The following SGCZ variants were observed in gnomAD, a reference collection of about 807,000 sequenced individuals.
SGCZ encodes the protein sarcoglycan zeta.
SGCZ carries 40 observed loss-of-function variants against 41.3 expected under a neutral mutation model. That is an observed-to-expected ratio of 0.97 (90% CI 0.75 to 1.26). The LOEUF (loss-of-function observed/expected upper bound fraction) is 1.26. Among genes scored for constraint, SGCZ ranks in the 50% most tolerant of loss-of-function variants. The pLI is 0.00. For synonymous variants in SGCZ, 206 were observed against 137.5 expected (o/e 1.50, Z -3.49); for missense variants, 552 against 369.8 (o/e 1.49, Z -4.04).
intron 1 of SGCZ, among the ~76,000 whole-genome samples, chr8:15,112,339 T>G (rs921207918): frequency 6.6e-6 from 1 of 152,256 alleles, no homozygotes; most frequent in Admixed American, 6.5e-5. Flanking sequence ...AACAATAGTA[T>G]TGAGTTTTGG....
chr8:14,569,881 G>C (rs912427018), intron 1 of SGCZ, among the ~76,000 whole-genome samples: 3 of 151,834 alleles, frequency 2.0e-5, no homozygotes, highest in African/African-American at 7.3e-5. Flanking sequence ...AGCCGGACCA[G>C]AGAGGTCAAA....
intron 4 of SGCZ, among the ~76,000 whole-genome samples, chr8:14,213,595 A>G (rs973261419): frequency 6.6e-6 from 1 of 152,104 alleles, no homozygotes; most frequent in South Asian, 2.1e-4. Flanking sequence ...GCACGCTTTA[A>G]ATTTCATAAA....
intron 1 of SGCZ, among the ~76,000 whole-genome samples, chr8:14,916,188 AAAT>A (rs1272321642): frequency 3.9e-5 from 6 of 152,226 alleles, no homozygotes; most frequent in Non-Finnish European, 8.8e-5. Flanking sequence ...TGTAAGTAAC[AAAT>A]AATCTGTGAG....
At chr8:14,225,042 A>G (rs1806326262) in intron 4 of SGCZ, among the ~76,000 whole-genome samples, 1 of 152,154 alleles carries the variant, frequency 6.6e-6, no homozygotes, top group Non-Finnish European at 1.5e-5. Flanking sequence ...TACATTCTAA[A>G]TGCATTCTCT....
At chr8:14,759,126 A>C (rs912155142) in intron 1 of SGCZ, among the ~76,000 whole-genome samples, 1 of 152,166 alleles carries the variant, frequency 6.6e-6, no homozygotes, top group African/African-American at 2.4e-5. Flanking sequence ...ATAAATACTG[A>C]CAACTAAGAA....
At chr8:14,563,459 G>A (rs896696461) in intron 1 of SGCZ, among the ~76,000 whole-genome samples, 4 of 152,136 alleles carry the variant, frequency 2.6e-5, no homozygotes, top group East Asian at 3.9e-4. Flanking sequence ...AAGACAATTC[G>A]TTTAAGTTGT....
intron 2 of SGCZ, among the ~76,000 whole-genome samples, chr8:14,404,743 A>G (rs966475530): frequency 1.3e-5 from 2 of 152,146 alleles, no homozygotes; most frequent in Non-Finnish European, 2.9e-5. Flanking sequence ...GTTTGCTCTC[A>G]GATCTGTGTC....
At chr8:14,879,483 C>T (rs1318417591) in intron 1 of SGCZ, among the ~76,000 whole-genome samples, 2 of 151,870 alleles carry the variant, frequency 1.3e-5, no homozygotes, top group Non-Finnish European at 2.9e-5. Context: ...AAAATTGACA[C>T]TCTTGGGAAG....
In SGCZ at chr8:14,885,981, T is replaced by C. The variant is rs568269664; in HGVS notation, c.40-331055A>G. On this transcript the variant is annotated intron_variant, in intron 1 of 7. Coordinates refer to ENST00000382080, the MANE Select transcript of SGCZ (RefSeq NM_139167.4). The stretch of plus-strand genomic sequence containing the variant: ...TGTCTTTTTTAATCATAAAGGACTT[T>C]ATGTTATATATATATATATATATAT... 1.0e-3 allele frequency among the ~76,000 whole-genome samples: 117 copies of C among 113,194 alleles called. 3 individuals carry two copies. Among genetic ancestry groups the C allele is most frequent in the African/African-American group, 3.7e-3 (110 of 29,934 alleles). The allele number at this position is 113,194 out of a possible 152,430, so 74.3% of individuals were successfully genotyped here.
At chr8:14,440,367 G>T (rs530222296) in intron 2 of SGCZ, among the ~76,000 whole-genome samples, 1 of 151,990 alleles carries the variant, frequency 6.6e-6, no homozygotes, top group Non-Finnish European at 1.5e-5. Flanking sequence ...AGTTAATTTT[G>T]AATTTGGTGA....
At chr8:14,985,045 A>G (rs571288378) in intron 1 of SGCZ, among the ~76,000 whole-genome samples, 1 of 152,256 alleles carries the variant, frequency 6.6e-6, no homozygotes, top group South Asian at 2.1e-4. Flanking sequence ...TGATTTCTTT[A>G]CTGCCAAGCT....
chr8:14,363,489 C>A (rs897584060), intron 2 of SGCZ, among the ~76,000 whole-genome samples: 1 of 152,116 alleles, frequency 6.6e-6, no homozygotes. Flanking sequence ...GAGGTGAGAA[C>A]AGAAGGGTAT....
At chr8:14,975,809 A>ATATATGTGTGTG (rs1181919961) in intron 1 of SGCZ, among the ~76,000 whole-genome samples, 24 of 131,894 alleles carry the variant, frequency 1.8e-4, no homozygotes, top group African/African-American at 6.4e-4. Flanking sequence ...ATATATATAT[A>ATATATGTGTGTG]TGTGTGTGTG....
At chr8:14,400,903 A>C (rs1563305114) in intron 2 of SGCZ, among the ~76,000 whole-genome samples, 1 of 152,194 alleles carries the variant, frequency 6.6e-6, no homozygotes, top group African/African-American at 2.4e-5. Flanking sequence ...TATGTAACTG[A>C]ATAAGTGTTG....
At chr8:14,648,166 G>A (rs953811929) in intron 1 of SGCZ, among the ~76,000 whole-genome samples, 3 of 151,858 alleles carry the variant, frequency 2.0e-5, no homozygotes, top group African/African-American at 7.3e-5. Flanking sequence ...AACAATTTCA[G>A]GTACATATTT....
intron 1 of SGCZ, among the ~76,000 whole-genome samples, chr8:14,682,544 C>A (rs1808482252): frequency 6.6e-6 from 1 of 151,798 alleles, no homozygotes; most frequent in South Asian, 2.1e-4. Context: ...ACGCCATCCT[C>A]CTGCCTCAGC....
intron 3 of SGCZ, among the ~76,000 whole-genome samples, chr8:14,310,989 T>A (rs576615717): frequency 5.9e-4 from 90 of 152,240 alleles, no homozygotes; most frequent in African/African-American, 2.1e-3. Flanking sequence ...CTTTTCTGGG[T>A]TTGAGACTAT....
intron 2 of SGCZ, among the ~76,000 whole-genome samples, chr8:14,358,094 T>C (rs1803360997): frequency 6.6e-6 from 1 of 152,168 alleles, no homozygotes; most frequent in Non-Finnish European, 1.5e-5. Flanking sequence ...ACCACCAAAG[T>C]ATAAGCTCCA....
intron 1 of SGCZ, among the ~76,000 whole-genome samples, chr8:14,896,620 G>A (rs1372970181): frequency 6.6e-6 from 1 of 151,896 alleles, no homozygotes; most frequent in East Asian, 1.9e-4. Context: ...GGGATTACAG[G>A]TGTCCTCCAC....
Sources: gnomAD v4.1 joint callset for allele counts (sites outside exome capture counted in the v4.1 genomes callset) on GRCh38, gnomAD v4.1.1 for gene constraint, MANE v1.5 for transcripts, NCBI Gene and HGNC (gene_info 2026-07-23, HGNC 2026-07-21) for gene names.